The following NBEA variants were observed in gnomAD, a reference collection of about 807,000 sequenced individuals.
NBEA encodes lysosomal-trafficking regulator 2.
A neutral mutation model predicts 343.4 loss-of-function variants in NBEA; 44 were observed. That is an observed-to-expected ratio of 0.13 (90% confidence interval 0.10 to 0.16). The LOEUF (loss-of-function observed/expected upper bound fraction) is 0.16, where lower values mean the gene tolerates loss of function less well. Among genes scored for constraint, NBEA ranks in the 10% least tolerant of loss-of-function variants. The probability of loss-of-function intolerance (pLI) is 1.00; values close to 1 mark genes in which losing one functional copy is unlikely to be tolerated. For missense variants in NBEA, 2,555 were observed against 3,631.3 expected (o/e 0.70, Z 7.62); for synonymous variants, 1,175 against 1,238.7 (o/e 0.95, Z 1.08).
At chr13:35,654,194 G>T (rs7997679) in intron 53 of NBEA, among the ~76,000 whole-genome samples, 1,793 of 152,272 alleles carry the variant, frequency 0.012, 32 homozygotes, top group African/African-American at 0.041. Context: ...ACTTTATTCA[G>T]ATTCAATCCC....
At chr13:35,595,257 G>C (rs1050297269) in intron 47 of NBEA, among the ~76,000 whole-genome samples, 2 of 152,006 alleles carry the variant, frequency 1.3e-5, no homozygotes, top group African/African-American at 4.8e-5. Flanking sequence ...CATCATCCAG[G>C]ACAAAGACCA....
chr13:35,442,061 T>A (rs1255089980), intron 39 of NBEA, among the ~76,000 whole-genome samples: 1 of 152,128 alleles, frequency 6.6e-6, no homozygotes, highest in African/African-American at 2.4e-5. Context: ...CTTTCCTTGC[T>A]TTCTTTCAGA....
At chr13:35,626,550 A>C (rs2083239631) in intron 48 of NBEA, among the ~76,000 whole-genome samples, 1 of 152,198 alleles carries the variant, frequency 6.6e-6, no homozygotes, top group Non-Finnish European at 1.5e-5. Flanking sequence ...TCCATAACTA[A>C]ATTGAATTCC....
intron 49 of NBEA, among the ~76,000 whole-genome samples, chr13:35,643,715 C>T (rs2084079348): frequency 6.6e-6 from 1 of 152,022 alleles, no homozygotes; most frequent in African/African-American, 2.4e-5. Flanking sequence ...AGATCCTTGC[C>T]CAAGGAGGTG....
intron 38 of NBEA, among the ~76,000 whole-genome samples, chr13:35,406,953 T>C (rs2043301987): frequency 6.6e-6 from 1 of 151,666 alleles, no homozygotes; most frequent in Admixed American, 6.6e-5. Flanking sequence ...TTTTTTCTTT[T>C]TTCTTTGCTC....
chr13:34,971,889 A>G (rs1162317289), intron 1 of NBEA, among the ~76,000 whole-genome samples: 65 of 151,666 alleles, frequency 4.3e-4, no homozygotes, highest in Non-Finnish European at 1.5e-5. Context: ...CTCCTTTTCA[A>G]ATTTTTTGGA....
Position 35,070,829 on chromosome 13 carries a change from C to A in NBEA, c.1548C>A (p.Asp516Glu). 1 of 1,609,964 alleles carries A rather than the reference C, an allele frequency of 6.2e-7. No individual in the cohort carries two copies. The highest frequency in any genetic ancestry group is 1.1e-5 in the South Asian group (1 of 90,874). Residue 516 changes from aspartate to glutamate, a missense_variant, in exon 10 of 59, where the codon GAC (aspartate) becomes GAA (glutamate). By Grantham distance (45) the Asp-to-Glu change is conservative. Around this residue, in one of 21 missense-constraint regions of NBEA, gnomAD observed 360 missense variants for 519.1 expected, o/e 0.69. Transcript: ENST00000379939. ...FAQLDNRQLN[D>E]SQVETTVCAT... ...AATTGGATAATAGGCAGCTCAATGA[C>A]AGTCAAGTGGAAACAACTGTCTGGT...
intron 55 of NBEA, among the ~76,000 whole-genome samples, chr13:35,656,543 A>C (rs1210121754): frequency 2.0e-5 from 3 of 152,216 alleles, no homozygotes; most frequent in East Asian, 1.9e-4. Flanking sequence ...CCAAGAAAAC[A>C]CTAAAGTAGA....
At chr13:35,047,684 A>G (rs1160575275) in intron 4 of NBEA, among the ~76,000 whole-genome samples, 1 of 151,826 alleles carries the variant, frequency 6.6e-6, no homozygotes, top group Non-Finnish European at 1.5e-5. Context: ...TGTTGGAGCC[A>G]TAGCACGTGG....
At chr13:35,298,209 G>GTA (rs1462332460) in intron 35 of NBEA, among the ~76,000 whole-genome samples, 92 of 60,780 alleles carry the variant, frequency 1.5e-3, no homozygotes, top group African/African-American at 3.4e-3. Flanking sequence ...GTGTGTGTGT[G>GTA]TGTATATATA....
Position 34,943,031 on chromosome 13 carries a change from C to A in NBEA, c.211C>A (p.Arg71=). 1 of 1,613,000 alleles carries A rather than the reference C, an allele frequency of 6.2e-7. No individual in the cohort carries two copies. The highest frequency in any genetic ancestry group is 1.7e-4 in the Middle Eastern group (1 of 6,058). ...INPSVPIRNI[R]MKFAVLIGLI... ...CCCTTCGGTGCCGATCCGCAACATC[C>A]GGATGAAATTCGCAGTGTTGATTGG... The change falls in exon 1 of 59, where the codon CGG becomes AGG. Residue 71 remains arginine (R), a synonymous_variant. Transcript: ENST00000379939.
rs551517855 is a variant in NBEA at position 35,482,523 on chromosome 13, A to C, written c.6585+9987A>C. ...AAAGTAATACTAATGAATAGTTAATACTTTTACATTCACATATCCTTATCC... is the reference window on the plus strand; with the variant it reads ...AAAGTAATACTAATGAATAGTTAATCCTTTTACATTCACATATCCTTATCC... On this transcript the variant is annotated intron_variant, in intron 41 of 58. Transcript: ENST00000379939. 1.4e-4 allele frequency among the ~76,000 whole-genome samples: 21 copies of C among 151,756 alleles called. No homozygotes were observed. In the South Asian group the frequency reaches 4.4e-3, roughly 31 times the overall value.
At chr13:35,256,899 G>A (rs2032672878) in intron 34 of NBEA, among the ~76,000 whole-genome samples, 3 of 152,236 alleles carry the variant, frequency 2.0e-5, no homozygotes, top group Admixed American at 1.3e-4. Context: ...GCCAGGGTCT[G>A]GAGCCATGGC....
chr13:35,329,854 A>C (rs1412271786), intron 36 of NBEA, among the ~76,000 whole-genome samples: 1 of 151,374 alleles, frequency 6.6e-6, no homozygotes, highest in East Asian at 1.9e-4. Flanking sequence ...TTACTTATAA[A>C]GTTCAGGCTC....
intron 45 of NBEA, among the ~76,000 whole-genome samples, chr13:35,577,633 C>T (rs1246786182): frequency 2.6e-5 from 4 of 151,486 alleles, no homozygotes; most frequent in Non-Finnish European, 1.5e-5. Context: ...CTAAAATTTC[C>T]ACATGGAAAT....
intron 40 of NBEA, among the ~76,000 whole-genome samples, chr13:35,459,346 G>A (rs922775179): frequency 7.9e-5 from 12 of 152,090 alleles, no homozygotes; most frequent in Admixed American, 5.2e-4. Flanking sequence ...GGAAGAGGGG[G>A]CATTATGTAG....
chr13:34,968,720 T>A (rs1447913094), intron 1 of NBEA, among the ~76,000 whole-genome samples: 1 of 152,200 alleles, frequency 6.6e-6, no homozygotes, highest in Non-Finnish European at 1.5e-5. Flanking sequence ...CTGTTTCTTC[T>A]ATTTATTTTA....
chr13:35,253,159 A>G (rs1270365218), intron 34 of NBEA, among the ~76,000 whole-genome samples: 2 of 152,108 alleles, frequency 1.3e-5, no homozygotes, highest in East Asian at 1.9e-4. Flanking sequence ...TGACACCCAG[A>G]CCCTCAAAAA....
In NBEA at chr13:35,184,013, C is replaced by A. The variant is rs2071505638; in HGVS notation, c.4869C>A (p.Asn1623Lys). The change falls in exon 30 of 59, where the codon AAC becomes AAA. Residue 1623 changes from asparagine (N) to lysine (K), a missense_variant. Around this residue, in one of 21 missense-constraint regions of NBEA, gnomAD observed 270 missense variants for 293.3 expected, o/e 0.92. Coordinates refer to ENST00000379939, the MANE Select transcript of NBEA (RefSeq NM_001385012.1). ...VIPSIPHPSL[N>K]HGFLAKLIPE... is the part of the protein sequence containing the mutation. Reference sequence around the variant, plus strand: ...CATCTATCCCTCATCCAAGTTTGAACCATGGATTCCTTGCCAAGTTAATTC... The same window carrying A: ...CATCTATCCCTCATCCAAGTTTGAAACATGGATTCCTTGCCAAGTTAATTC... 6.2e-7 allele frequency: 1 copy of A among 1,611,638 alleles called. No homozygotes were observed. The highest frequency in any genetic ancestry group is 1.1e-5 in the South Asian group (1 of 90,954).
Sources: allele counts gnomAD v4.1 joint callset (sites outside exome capture counted in the v4.1 genomes callset), GRCh38; gene constraint gnomAD v4.1.1; regional missense constraint gnomAD v4.1.1; transcripts MANE v1.5; gene names NCBI Gene and HGNC (gene_info 2026-07-23, HGNC 2026-07-21).